Variants in GRID1 observed in about 807,000 individuals in gnomAD.
GRID1 encodes the protein glutamate ionotropic receptor delta type subunit 1, also known as glutamate receptor ionotropic, delta-1.
Under a neutral mutation model 98.0 loss-of-function variants are expected in GRID1, and 28 were observed. That is an observed-to-expected ratio of 0.29 (90% CI 0.21 to 0.39). The LOEUF (loss-of-function observed/expected upper bound fraction) is 0.39, where lower values mean the gene tolerates loss of function less well. Ranked by LOEUF, GRID1 falls within the 10% of genes least tolerant of loss-of-function variation. The probability of loss-of-function intolerance (pLI) is 1.00; values close to 1 mark genes in which losing one functional copy is unlikely to be tolerated. For synonymous variants in GRID1, 553 were observed against 538.5 expected (o/e 1.03, Z -0.37); for missense variants, 1,111 against 1,340.5 (o/e 0.83, Z 2.67).
intron 2 of GRID1, among the ~76,000 whole-genome samples, chr10:86,362,288 G>A (rs1848609844): frequency 6.6e-6 from 1 of 152,144 alleles, no homozygotes; most frequent in Non-Finnish European, 1.5e-5. Flanking sequence ...AGAAGGCCCT[G>A]CCCTCCCCTG....
intron 4 of GRID1, among the ~76,000 whole-genome samples, chr10:86,078,912 T>C (rs1361545834): frequency 6.6e-6 from 1 of 152,244 alleles, no homozygotes; most frequent in Non-Finnish European, 1.5e-5. Context: ...GTAGACTCCC[T>C]GGACCCAGCT....
chr10:85,930,147 C>T (rs920223766), intron 4 of GRID1, among the ~76,000 whole-genome samples: 6 of 149,400 alleles, frequency 4.0e-5, no homozygotes, highest in African/African-American at 9.9e-5. Flanking sequence ...AAATAACTTG[C>T]GGTTATTTAT....
intron 5 of GRID1, among the ~76,000 whole-genome samples, chr10:85,879,132 TG>T (rs546514227): frequency 8.6e-4 from 131 of 152,166 alleles, no homozygotes; most frequent in African/African-American, 2.9e-3. Context: ...AAGTCCTGAG[TG>T]ACCTACAAAG....
chr10:86,184,783 T>C (rs989715796), intron 3 of GRID1, among the ~76,000 whole-genome samples: 1 of 152,214 alleles, frequency 6.6e-6, no homozygotes, highest in Admixed American at 6.5e-5. Context: ...CTACTAGCAT[T>C]ACCAAGTGAG....
At chr10:86,360,526 A>C (rs1192042496) in intron 2 of GRID1, among the ~76,000 whole-genome samples, 1 of 152,246 alleles carries the variant, frequency 6.6e-6, no homozygotes, top group Non-Finnish European at 1.5e-5. Context: ...AAAAAGTAAG[A>C]GCTAAAAATG....
chr10:85,739,428 TA>T (rs1228508628), intron 8 of GRID1, among the ~76,000 whole-genome samples: 2 of 150,656 alleles, frequency 1.3e-5, no homozygotes, highest in South Asian at 2.1e-4. Context: ...AATAAACAAA[TA>T]AAAAAAACAG....
intron 2 of GRID1, among the ~76,000 whole-genome samples, chr10:86,219,152 C>A (rs1195972461): frequency 6.6e-6 from 1 of 152,238 alleles, no homozygotes; most frequent in East Asian, 1.9e-4. Flanking sequence ...CGCTCCCTGG[C>A]CTGTCACCTG....
intron 8 of GRID1, among the ~76,000 whole-genome samples, chr10:85,737,301 A>G (rs1399372340): frequency 6.6e-6 from 1 of 152,122 alleles, no homozygotes; most frequent in Non-Finnish European, 1.5e-5. Context: ...TATCATATAC[A>G]GGGGCTTTTG....
chr10:86,028,601 G>C (rs1006653659), intron 4 of GRID1, among the ~76,000 whole-genome samples: 1 of 152,128 alleles, frequency 6.6e-6, no homozygotes, highest in Admixed American at 6.5e-5. Flanking sequence ...CTAGAGAAGG[G>C]GGGAGCATGT....
intron 12 of GRID1, among the ~76,000 whole-genome samples, chr10:85,669,581 A>G (rs981741040): frequency 2.0e-5 from 3 of 152,030 alleles, no homozygotes; most frequent in African/African-American, 4.8e-5. Flanking sequence ...TTTTTCATCC[A>G]TGACTTCCTC....
At chr10:85,921,854 C>T (rs918074182) in intron 4 of GRID1, among the ~76,000 whole-genome samples, 3 of 152,192 alleles carry the variant, frequency 2.0e-5, no homozygotes, top group East Asian at 1.9e-4. Context: ...CCAAGGGCGA[C>T]GAGAGCTTGC....
chr10:85,957,408 C>T (rs556419759), intron 4 of GRID1, among the ~76,000 whole-genome samples: 20 of 152,084 alleles, frequency 1.3e-4, no homozygotes, highest in African/African-American at 4.3e-4. Flanking sequence ...TAGAGCCCCA[C>T]GAGAAAGCAT....
rs141466906 is a variant in GRID1 at position 85,922,439 on chromosome 10, T to C, written c.727-6200A>G. ...AAATGCCACCAATTATTTATGTATG[T>C]GTTAATTGTTGACCACTTATCTAGG... On this transcript the variant is annotated intron_variant, in intron 4 of 15. Transcript: ENST00000327946. Among the ~76,000 whole-genome samples, 203 of 152,374 alleles carry C rather than the reference T, an allele frequency of 1.3e-3. 1 individual carries two copies. Among genetic ancestry groups the C allele is most frequent in the African/African-American group, 4.5e-3 (189 of 41,588 alleles).
chr10:86,101,000 TA>T (rs1844288339), intron 4 of GRID1, among the ~76,000 whole-genome samples: 1 of 152,108 alleles, frequency 6.6e-6, no homozygotes, highest in South Asian at 2.1e-4. Flanking sequence ...TGGTGACTGA[TA>T]GGGGGACTTT....
intron 4 of GRID1, among the ~76,000 whole-genome samples, chr10:86,103,919 C>T (rs2131946805): frequency 6.6e-6 from 1 of 152,308 alleles, no homozygotes; most frequent in South Asian, 2.1e-4. Context: ...CATGGTGTTG[C>T]CTCCCAATCT....
intron 13 of GRID1, among the ~76,000 whole-genome samples, chr10:85,629,186 CAAA>C (rs1015742835): frequency 1.3e-5 from 2 of 152,148 alleles, no homozygotes; most frequent in Admixed American, 6.5e-5. Flanking sequence ...TTTTGCATCT[CAAA>C]AAGGCCACCA....
At chr10:86,114,425 C>T (rs1844541253) in intron 4 of GRID1, among the ~76,000 whole-genome samples, 1 of 152,168 alleles carries the variant, frequency 6.6e-6, no homozygotes, top group African/African-American at 2.4e-5. Context: ...TCCCACAGCC[C>T]TGTGAAGGAG....
chr10:85,738,185 T>C (rs376861688), intron 8 of GRID1, among the ~76,000 whole-genome samples: 1 of 152,086 alleles, frequency 6.6e-6, no homozygotes, highest in Non-Finnish European at 1.5e-5. Context: ...CAGGTATACA[T>C]AAAGAAAACT....
intron 13 of GRID1, among the ~76,000 whole-genome samples, chr10:85,621,097 T>C (rs757035384): frequency 5.3e-5 from 8 of 152,192 alleles, no homozygotes; most frequent in Non-Finnish European, 1.0e-4. Context: ...CAAGCTGCTT[T>C]ACTTTCTGGA....
Sources: allele counts gnomAD v4.1 joint callset (sites outside exome capture counted in the v4.1 genomes callset), GRCh38; gene constraint gnomAD v4.1.1; transcripts MANE v1.5; gene names NCBI Gene and HGNC (gene_info 2026-07-23, HGNC 2026-07-21).